The following RNF121 variants were observed in gnomAD, a reference collection of about 807,000 sequenced individuals.
RNF121 encodes the protein ring finger protein 121.
Under a neutral mutation model 46.5 loss-of-function variants are expected in RNF121, and 21 were observed. That is an observed-to-expected ratio of 0.45 (90% CI 0.32 to 0.65). The LOEUF is 0.65. Ranked by LOEUF, RNF121 falls within the 30% of genes least tolerant of loss-of-function variation. The pLI is 0.04. For missense variants in RNF121, 346 were observed against 416.0 expected (o/e 0.83, Z 1.46); for synonymous variants, 139 against 144.7 (o/e 0.96, Z 0.28).
At chr11:71,982,681 A>G in intron 3 of RNF121, 80 bp from the exon 4 acceptor site, 4 of 1,450,246 alleles carry the variant, frequency 2.8e-6, no homozygotes, top group Non-Finnish European at 3.7e-6. Context: ...GCTAAAATAG[A>G]AAACAAGCTG....
In RNF121 at chr11:71,980,275, A is replaced by C. The variant is rs570616558; in HGVS notation, c.244-2486A>C. 1.1e-3 allele frequency among the ~76,000 whole-genome samples: 173 copies of C among 152,280 alleles called. 1 individual carries two copies. The highest frequency in any genetic ancestry group is 2.0e-3 in the Non-Finnish European group (134 of 68,024). Reference sequence around the variant, plus strand: ...ACACAGAATGGGAACCTCTAAAGCAAAGTGGTTCTGCTTACCCTTTTCTCT... The same window carrying C: ...ACACAGAATGGGAACCTCTAAAGCACAGTGGTTCTGCTTACCCTTTTCTCT... On this transcript the variant is annotated intron_variant, in intron 3 of 8. Coordinates refer to ENST00000361756, the MANE Select transcript of RNF121 (RefSeq NM_018320.5).
chr11:71,936,269 C>T (rs561891645), intron 1 of RNF121, among the ~76,000 whole-genome samples: 1 of 152,246 alleles, frequency 6.6e-6, no homozygotes, highest in East Asian at 1.9e-4. Context: ...CCTCTTATTC[C>T]ATCACCTTTG....
At chr11:71,953,350 A>T (rs1217731310) in intron 1 of RNF121, among the ~76,000 whole-genome samples, 2 of 152,238 alleles carry the variant, frequency 1.3e-5, no homozygotes, top group Non-Finnish European at 2.9e-5. Flanking sequence ...AGCACACTTT[A>T]AATGGGTGAA....
intron 1 of RNF121, among the ~76,000 whole-genome samples, chr11:71,933,951 T>C (rs1299294447): frequency 6.6e-6 from 1 of 152,250 alleles, no homozygotes; most frequent in African/African-American, 2.4e-5. Context: ...AATTGAGTTA[T>C]TGGATGAAAT....
intron 1 of RNF121, among the ~76,000 whole-genome samples, chr11:71,944,478 T>C (rs1238183670): frequency 6.6e-6 from 1 of 152,202 alleles, no homozygotes; most frequent in African/African-American, 2.4e-5. Flanking sequence ...TTTATCTAAT[T>C]CTAAAATGCA....
At position 71,964,118 on chromosome 11, in the gene RNF121, A is replaced by G. The variant is rs191703564; in HGVS notation, c.243+3227A>G. On this transcript the variant is annotated intron_variant, in intron 3 of 8. Transcript: ENST00000361756. ...TGTTTGGGGAAATGTTTCCATCTTA[A>G]CAATATTAATCTTCCAGTACCTGAA... Among the ~76,000 whole-genome samples the G allele has an allele frequency of 5.4e-4, 82 of 152,308 alleles. 2 individuals carry two copies. The East Asian group carries it at 0.014, about 26-fold the overall frequency.
chr11:71,957,380 G>C, intron 2 of RNF121, 116 bp downstream of exon 2: 5 of 755,618 alleles, frequency 6.6e-6, no homozygotes, highest in Admixed American at 1.8e-5. Context: ...GCTCATGACC[G>C]GTAGGACTGG....
chr11:71,978,616 A>G (rs1349573943), intron 3 of RNF121, among the ~76,000 whole-genome samples: 4 of 152,220 alleles, frequency 2.6e-5, no homozygotes, highest in Admixed American at 6.5e-5. Flanking sequence ...CTTATTATGA[A>G]TTATGCATCA....
rs1408292337 is a variant in RNF121 at position 71,974,802 on chromosome 11, AT to A, written c.244-7956del. ...CATCTTGCCTCCCCAGCCTCTCCAG[AT>A]TTCCCCACAAACTCAGTGAATGATG... On this transcript the variant is annotated intron_variant, in intron 3 of 8. Transcript: ENST00000361756. Among the ~76,000 whole-genome samples the A allele has an allele frequency of 2.6e-5, 4 of 152,056 alleles. No individual in the cohort carries two copies. In the East Asian group the frequency reaches 7.7e-4, roughly 29 times the overall value.
chr11:71,971,913 G>A (rs960331892), intron 3 of RNF121, among the ~76,000 whole-genome samples: 1 of 152,200 alleles, frequency 6.6e-6, no homozygotes, highest in African/African-American at 2.4e-5. Context: ...ATCCTAAGGG[G>A]ATATGTAAGA....
At chr11:71,933,704 T>C (rs1953330905) in intron 1 of RNF121, among the ~76,000 whole-genome samples, 3 of 152,214 alleles carry the variant, frequency 2.0e-5, no homozygotes, top group Non-Finnish European at 4.4e-5. Flanking sequence ...ATTGTCTGCC[T>C]TCCTCACTAG....
rs983363888 is a variant in RNF121 at position 71,997,080 on chromosome 11, AGCCATGACTGACG to A, written c.*769_*781del. 1 of 152,298 alleles carries A rather than the reference AGCCATGACTGACG, an allele frequency of 6.6e-6. No individual in the cohort carries two copies. The highest frequency in any genetic ancestry group is 1.5e-5 in the Non-Finnish European group (1 of 68,078). The allele number at this position is 152,298 out of a possible 1,614,324, so 9.4% of individuals were successfully genotyped here. A position where few individuals can be genotyped will look rare whatever the true frequency, so the allele number is the denominator to read the frequency against. On this transcript the variant is annotated 3_prime_UTR_variant, in exon 9 of 9. Transcript: ENST00000361756. ...GTTGGGCCATGGGGCAATTGTTGGC[AGCCATGACTGACG>A]GCCCCTTGTGCAAGCTCATTCTTCA...
intron 3 of RNF121, among the ~76,000 whole-genome samples, chr11:71,978,483 T>C (rs977174696): frequency 9.2e-5 from 14 of 152,234 alleles, no homozygotes; most frequent in Admixed American, 7.2e-4. Context: ...GCTTATAACC[T>C]TATCACTTTT....
At chr11:71,955,381 G>A (rs949386571) in intron 1 of RNF121, among the ~76,000 whole-genome samples, 9 of 152,120 alleles carry the variant, frequency 5.9e-5, no homozygotes, top group African/African-American at 2.2e-4. Context: ...GTCTGGAGTG[G>A]TACCTGAGAT....
At chr11:71,977,043 A>G (rs548846827) in intron 3 of RNF121, among the ~76,000 whole-genome samples, 14 of 152,324 alleles carry the variant, frequency 9.2e-5, no homozygotes, top group Non-Finnish European at 1.9e-4. Flanking sequence ...GAGCAGAGCC[A>G]TGGAGCATGT....
Position 71,993,689 on chromosome 11 carries a change from A to G in RNF121, c.628-1030A>G, listed in dbSNP as rs1029483368. Among the ~76,000 whole-genome samples the G allele has an allele frequency of 4.6e-5, 7 of 152,002 alleles. No individual in the cohort carries two copies. The South Asian group carries it at 1.3e-3, about 27-fold the overall frequency. On this transcript the variant is annotated intron_variant, in intron 6 of 8. Transcript: ENST00000361756. ...TTAAGTGTGTTTAGTCCCTAGTTTC[A>G]TATCTTTTGGGTTTATACCGAGAAT...
chr11:71,933,007 T>A (rs1359758215), intron 1 of RNF121, among the ~76,000 whole-genome samples: 1 of 152,158 alleles, frequency 6.6e-6, no homozygotes, highest in African/African-American at 2.4e-5. Flanking sequence ...TAAGCTCAGT[T>A]CTGTCTCTCA....
chr11:71,996,369 C>G lies in RNF121; in HGVS notation c.*54C>G, dbSNP rs1954977678. ...CCCACACGCCATGGACCTCAGGGCACTCTCCTCCCTGCCCACAAAGACCTC... is the reference window on the plus strand; with the variant it reads ...CCCACACGCCATGGACCTCAGGGCAGTCTCCTCCCTGCCCACAAAGACCTC... On this transcript the variant is annotated 3_prime_UTR_variant, in exon 9 of 9. Transcript: ENST00000361756. The G allele has an allele frequency of 1.1e-5, 17 of 1,594,604 alleles. No individual in the cohort carries two copies. The highest frequency in any genetic ancestry group is 1.5e-5 in the Non-Finnish European group (17 of 1,168,530).
At chr11:71,932,462 T>G (rs1478444638) in intron 1 of RNF121, among the ~76,000 whole-genome samples, 1 of 152,248 alleles carries the variant, frequency 6.6e-6, no homozygotes, top group African/African-American at 2.4e-5. Context: ...CTTACTCCAC[T>G]ATTTGTGCTC....
Sources: allele counts gnomAD v4.1 joint callset (sites outside exome capture counted in the v4.1 genomes callset), GRCh38; gene constraint gnomAD v4.1.1; transcripts MANE v1.5; gene names NCBI Gene and HGNC (gene_info 2026-07-23, HGNC 2026-07-21).